Variants in CFAP77 observed in about 807,000 individuals in gnomAD.
CFAP77 encodes cilia and flagella associated protein 77.
Under a neutral mutation model 31.1 loss-of-function variants are expected in CFAP77, and 25 were observed. The observed-to-expected ratio is 0.80, with a 90% CI of 0.59 to 1.12. CFAP77 has a LOEUF of 1.12. CFAP77 is among the 50% of genes most tolerant of loss of function. CFAP77 has a pLI of 0.00. For synonymous variants in CFAP77, 151 were observed against 159.9 expected (o/e 0.94, Z 0.42); for missense variants, 377 against 397.3 (o/e 0.95, Z 0.44).
intron 5 of CFAP77, among the ~76,000 whole-genome samples, chr9:132,566,949 G>A (rs1829891688): frequency 6.6e-6 from 1 of 152,132 alleles, no homozygotes; most frequent in African/African-American, 2.4e-5. Flanking sequence ...TCATACATTT[G>A]GGGGCCCACC....
At chr9:132,427,564 G>A (rs527389267) in intron 1 of CFAP77, among the ~76,000 whole-genome samples, 75 of 152,146 alleles carry the variant, frequency 4.9e-4, no homozygotes, top group African/African-American at 1.4e-3. Context: ...GCAGTGAGCC[G>A]AGATCACGCA....
intron 5 of CFAP77, among the ~76,000 whole-genome samples, chr9:132,572,185 C>T (rs1190901533): frequency 1.3e-5 from 2 of 152,158 alleles, no homozygotes; most frequent in East Asian, 1.9e-4. Flanking sequence ...GACAGAAGGA[C>T]GAACAGTTCC....
chr9:132,558,738 T>C (rs1216228669), intron 5 of CFAP77, among the ~76,000 whole-genome samples: 2 of 147,838 alleles, frequency 1.4e-5, no homozygotes. Flanking sequence ...TAAGGACGGG[T>C]GCGGTGGCTC....
In CFAP77 at chr9:132,481,375, A is replaced by G. The variant is rs1271460333; in HGVS notation, c.196-17320A>G. Among the ~76,000 whole-genome samples, 2 of 152,110 alleles carry G rather than the reference A, an allele frequency of 1.3e-5. No individual in the cohort carries two copies. The highest frequency in any genetic ancestry group is 2.9e-5 in the Non-Finnish European group (2 of 68,006). On this transcript the variant is annotated intron_variant, in intron 1 of 5. Coordinates refer to ENST00000393216, the MANE Select transcript of CFAP77 (RefSeq NM_001282957.2). The surrounding 1 kb of genome is among the most constrained non-coding windows in gnomAD (Gnocchi z 5.0). Reference sequence around the variant, plus strand: ...CTGAAACCCCATCCAAGTCCTGCCCACTAAAGCTTGTGTATTCCTATTTCT... The same window carrying G: ...CTGAAACCCCATCCAAGTCCTGCCCGCTAAAGCTTGTGTATTCCTATTTCT...
Position 132,499,232 on chromosome 9 carries a change from C to G in CFAP77, c.296-140C>G. 1 of 711,968 alleles carries G rather than the reference C, an allele frequency of 1.4e-6. No individual in the cohort carries two copies. Among genetic ancestry groups the G allele is most frequent in the African/African-American group, 1.8e-5 (1 of 56,076 alleles). The allele number at this position is 711,968 out of a possible 1,614,324, so 44.1% of individuals were successfully genotyped here. ...TTTGGGCCATCATGCTTTCTGGGGG[C>G]CAGGCAGGGTTGTCACCCAGTAGGC... On this transcript the variant is annotated intron_variant, in intron 2 of 5. Coordinates refer to ENST00000393216, the MANE Select transcript of CFAP77 (RefSeq NM_001282957.2). This position sits in a 1 kb window ranked among gnomAD's most constrained non-coding sequence, Gnocchi z 5.4.
chr9:132,471,686 G>T lies in CFAP77; in HGVS notation c.196-27009G>T, dbSNP rs549210480. ...AGGAGCATTGTGAGAGAGGGGGGTT[G>T]TTTTTGTTTTGTTTTGTTTTGTTTT... On this transcript the variant is annotated intron_variant, in intron 1 of 5. Transcript: ENST00000393216. Among the ~76,000 whole-genome samples the T allele has an allele frequency of 3.5e-4, 35 of 101,128 alleles. No individual in the cohort carries two copies. The East Asian group carries it at 0.015, about 42-fold the overall frequency. The allele number at this position is 101,128 out of a possible 152,430, so 66.3% of individuals were successfully genotyped here. A position where few individuals can be genotyped will look rare whatever the true frequency, so the allele number is the denominator to read the frequency against.
chr9:132,475,012 A>G (rs1851328045), intron 1 of CFAP77, among the ~76,000 whole-genome samples: 1 of 152,236 alleles, frequency 6.6e-6, no homozygotes, highest in Admixed American at 6.5e-5. Flanking sequence ...TGGAAGAGAA[A>G]GAGGCTCAGT....
intron 1 of CFAP77, among the ~76,000 whole-genome samples, chr9:132,484,756 G>T (rs531771564): frequency 1.3e-5 from 2 of 151,838 alleles, no homozygotes; most frequent in Non-Finnish European, 2.9e-5. Context: ...GTACATAGTA[G>T]CTATAAATAT....
At chr9:132,463,408 G>A (rs1342788179) in intron 1 of CFAP77, among the ~76,000 whole-genome samples, 5 of 152,166 alleles carry the variant, frequency 3.3e-5, no homozygotes, top group African/African-American at 1.2e-4. Flanking sequence ...GCACATCTGG[G>A]TAATGGAAAG....
intron 3 of CFAP77, among the ~76,000 whole-genome samples, chr9:132,515,128 C>A (rs938601855): frequency 6.6e-6 from 1 of 152,232 alleles, no homozygotes; most frequent in East Asian, 1.9e-4. Flanking sequence ...TGTTAAAATG[C>A]AGATTCCTTG....
chr9:132,411,118 C>G (rs1350028355), intron 1 of CFAP77, among the ~76,000 whole-genome samples: 1 of 152,260 alleles, frequency 6.6e-6, no homozygotes, highest in Non-Finnish European at 1.5e-5. Flanking sequence ...CCACCTTTAG[C>G]CTCGCTTCCC....
chr9:132,474,416 C>G (rs976141631), intron 1 of CFAP77, among the ~76,000 whole-genome samples: 1 of 152,194 alleles, frequency 6.6e-6, no homozygotes. Flanking sequence ...CAGGAAGGAG[C>G]GTGACTCAAG....
chr9:132,476,994 T>TCCCAG (rs1300668355), intron 1 of CFAP77, among the ~76,000 whole-genome samples: 1 of 152,126 alleles, frequency 6.6e-6, no homozygotes, highest in African/African-American at 2.4e-5. Flanking sequence ...GATCAGGTCT[T>TCCCAG]CCCAGCCGCT....
chr9:132,415,773 C>T (rs774323432), intron 1 of CFAP77, among the ~76,000 whole-genome samples: 8 of 152,094 alleles, frequency 5.3e-5, no homozygotes, highest in Non-Finnish European at 1.0e-4. Flanking sequence ...ACTGACCCTG[C>T]GGACGAAATT....
At chr9:132,513,423 A>C in intron 3 of CFAP77, 1 of 1,470,396 alleles carries the variant, frequency 6.8e-7, no homozygotes, top group Non-Finnish European at 9.1e-7. Flanking sequence ...GCCCCTGTGC[A>C]CACCTTCCTA....
At chr9:132,466,802 A>G (rs1460670825) in intron 1 of CFAP77, among the ~76,000 whole-genome samples, 1 of 152,200 alleles carries the variant, frequency 6.6e-6, no homozygotes, top group African/African-American at 2.4e-5. Context: ...ACCTGCTCTA[A>G]TTCTTTGATT....
intron 1 of CFAP77, among the ~76,000 whole-genome samples, chr9:132,412,364 G>T (rs1382017557): frequency 6.6e-6 from 1 of 152,176 alleles, no homozygotes; most frequent in Non-Finnish European, 1.5e-5. Flanking sequence ...GCTTTCCTTC[G>T]TGGGTTCTTC....
Position 132,498,805 on chromosome 9 carries a change from A to G in CFAP77, c.295+11A>G. The G allele has an allele frequency of 6.3e-7, 1 of 1,589,590 alleles. No individual in the cohort carries two copies. Among genetic ancestry groups the G allele is most frequent in the Non-Finnish European group, 8.6e-7 (1 of 1,162,868 alleles). ...GAGGAGTCCCTGAAGGTGAGCGAGC[A>G]GCTTTGGAGCATGAGGGCAGAGGAG... On this transcript the variant is annotated intron_variant, in intron 2 of 5. Coordinates refer to ENST00000393216, the MANE Select transcript of CFAP77 (RefSeq NM_001282957.2). This position sits in a 1 kb window ranked among gnomAD's most constrained non-coding sequence, Gnocchi z 4.2.
At chr9:132,531,596 G>A (rs1382161270) in intron 3 of CFAP77, among the ~76,000 whole-genome samples, 1 of 147,098 alleles carries the variant, frequency 6.8e-6, no homozygotes, top group Non-Finnish European at 1.5e-5. Context: ...CTGCGGCCCG[G>A]GCAATGAGTC....
Sources: allele counts gnomAD v4.1 joint callset (sites outside exome capture counted in the v4.1 genomes callset), GRCh38; gene constraint gnomAD v4.1.1; non-coding constraint Gnocchi (gnomAD v3.1); transcripts MANE v1.5; gene names NCBI Gene and HGNC (gene_info 2026-07-23, HGNC 2026-07-21).